The following CHRM3 variants were observed in gnomAD, a reference collection of about 807,000 sequenced individuals.
CHRM3 encodes muscarinic acetylcholine receptor M3.
In CHRM3, 11 loss-of-function variants were observed where a neutral mutation model predicts 41.8. That is an observed-to-expected ratio of 0.26 (90% CI 0.17 to 0.44). CHRM3 has a LOEUF of 0.44. Ranked by LOEUF, CHRM3 falls within the 20% of genes least tolerant of loss-of-function variation. The pLI is 1.00. For missense variants in CHRM3, 571 were observed against 745.4 expected (o/e 0.77, Z 2.72); for synonymous variants, 297 against 301.4 (o/e 0.99, Z 0.15).
At chr1:239,837,954 C>A (rs1157538122) in intron 6 of CHRM3, among the ~76,000 whole-genome samples, 1 of 152,058 alleles carries the variant, frequency 6.6e-6, no homozygotes, top group Non-Finnish European at 1.5e-5. Flanking sequence ...AAATCATGTG[C>A]ATAGATAACA....
chr1:239,896,926 A>G (rs1340902537), intron 6 of CHRM3, among the ~76,000 whole-genome samples: 1 of 152,216 alleles, frequency 6.6e-6, no homozygotes, highest in East Asian at 1.9e-4. Context: ...TGTAAAGTCA[A>G]CCAGCCATAG....
intron 3 of CHRM3, among the ~76,000 whole-genome samples, chr1:239,607,208 C>T (rs908213430): frequency 3.3e-5 from 5 of 152,122 alleles, no homozygotes; most frequent in African/African-American, 1.2e-4. Flanking sequence ...GCAGCATTCA[C>T]TTAATGACTC....
At chr1:239,619,308 G>A (rs2148804073) in intron 3 of CHRM3, among the ~76,000 whole-genome samples, 1 of 152,128 alleles carries the variant, frequency 6.6e-6, no homozygotes, top group Middle Eastern at 3.4e-3. Flanking sequence ...AAAGACCAAG[G>A]CCCTGAGTCT....
chr1:239,540,538 C>A (rs1377780964), intron 2 of CHRM3, among the ~76,000 whole-genome samples: 1 of 152,106 alleles, frequency 6.6e-6, no homozygotes, highest in Non-Finnish European at 1.5e-5. Flanking sequence ...GATAGTAGCA[C>A]CACTTTTAGA....
At chr1:239,751,777 T>C (rs1173840856) in intron 5 of CHRM3, among the ~76,000 whole-genome samples, 1 of 152,106 alleles carries the variant, frequency 6.6e-6, no homozygotes, top group East Asian at 1.9e-4. Flanking sequence ...AGAACAACAA[T>C]AGGATCTACC....
At position 239,404,392 on chromosome 1, in the gene CHRM3, GAAAGAAAGAAAGAAAGA is replaced by G. The variant is rs1660308906; in HGVS notation, c.-521+17169_-521+17185del. On this transcript the variant is annotated intron_variant, in intron 1 of 6. Transcript: ENST00000676153. Reference sequence around the variant, plus strand: ...AGAAAGAAAGAAAGAAAGAAAGAAAGAAAGAAAGAAAGAAAGAAAAAGAAAGAAAGAAAGAAAGAAAG... The same window carrying G: ...AGAAAGAAAGAAAGAAAGAAAGAAAGAAAAGAAAGAAAGAAAGAAAGAAAG... Among the ~76,000 whole-genome samples the G allele has an allele frequency of 4.3e-5, 3 of 69,852 alleles. 1 individual carries two copies. Among genetic ancestry groups the G allele is most frequent in the African/African-American group, 1.7e-4 (3 of 17,174 alleles). 45.8% of individuals were successfully genotyped at this position (69,852 alleles called of 152,430 possible).
intron 1 of CHRM3, among the ~76,000 whole-genome samples, chr1:239,461,358 A>G (rs1202187108): frequency 6.6e-6 from 1 of 152,170 alleles, no homozygotes; most frequent in East Asian, 1.9e-4. Flanking sequence ...GTCAATATAC[A>G]TAGAAGATGG....
chr1:239,909,364 C>T lies in CHRM3; in HGVS notation c.*140C>T. The T allele has an allele frequency of 1.3e-6, 1 of 788,520 alleles. No individual in the cohort carries two copies. Among genetic ancestry groups the T allele is most frequent in the Non-Finnish European group, 2.0e-6 (1 of 506,698 alleles). 48.8% of individuals were successfully genotyped at this position (788,520 alleles called of 1,614,324 possible). ...AGATGTGAAAGAAGCTGCCTGTTTA[C>T]TGATCCATTGAATAAACCCATTTTA... On this transcript the variant is annotated 3_prime_UTR_variant, in exon 7 of 7. Coordinates refer to ENST00000676153, the MANE Select transcript of CHRM3 (RefSeq NM_001375978.1).
intron 6 of CHRM3, among the ~76,000 whole-genome samples, chr1:239,903,486 G>A (rs1190262739): frequency 1.3e-5 from 2 of 152,196 alleles, no homozygotes; most frequent in Non-Finnish European, 2.9e-5. Context: ...GCTAGCAGTG[G>A]TTAAATGAGC....
intron 5 of CHRM3, among the ~76,000 whole-genome samples, chr1:239,788,142 G>A (rs923106954): frequency 6.6e-6 from 1 of 152,072 alleles, no homozygotes; most frequent in Non-Finnish European, 1.5e-5. Context: ...AGTCTGAAGA[G>A]GGAGGATCAC....
intron 4 of CHRM3, among the ~76,000 whole-genome samples, chr1:239,660,735 A>T (rs1005855561): frequency 3.3e-5 from 5 of 152,036 alleles, no homozygotes; most frequent in African/African-American, 1.2e-4. Context: ...ATACAAAACA[A>T]TTACCCAGTG....
chr1:239,681,149 C>T (rs550182829), intron 5 of CHRM3, among the ~76,000 whole-genome samples: 8 of 152,278 alleles, frequency 5.3e-5, no homozygotes, highest in South Asian at 2.1e-4. Flanking sequence ...GGGTCCCTCC[C>T]GCAACACGTG....
At chr1:239,854,428 G>C (rs1674944646) in intron 6 of CHRM3, among the ~76,000 whole-genome samples, 2 of 152,046 alleles carry the variant, frequency 1.3e-5, no homozygotes. Flanking sequence ...CTTATTCATG[G>C]TCTTCTTGCC....
At chr1:239,587,896 A>G (rs1663590275) in intron 3 of CHRM3, among the ~76,000 whole-genome samples, 1 of 152,196 alleles carries the variant, frequency 6.6e-6, no homozygotes, top group Admixed American at 6.5e-5. Context: ...TTTCTCACAT[A>G]TGCTAATTAT....
At chr1:239,454,357 A>G (rs1162289913) in intron 1 of CHRM3, among the ~76,000 whole-genome samples, 1 of 152,210 alleles carries the variant, frequency 6.6e-6, no homozygotes, top group Non-Finnish European at 1.5e-5. Flanking sequence ...ATGAACAGCC[A>G]GATGAAAGAG....
At chr1:239,491,107 A>G (rs1043595456) in intron 1 of CHRM3, among the ~76,000 whole-genome samples, 9 of 152,200 alleles carry the variant, frequency 5.9e-5, no homozygotes, top group African/African-American at 1.9e-4. Flanking sequence ...TGATATTTCC[A>G]TACATTTATA....
chr1:239,856,610 C>T (rs895084843), intron 6 of CHRM3, among the ~76,000 whole-genome samples: 2 of 152,066 alleles, frequency 1.3e-5, no homozygotes, highest in Non-Finnish European at 2.9e-5. Flanking sequence ...TTCTTTATTA[C>T]AATGTGAGAA....
intron 6 of CHRM3, among the ~76,000 whole-genome samples, chr1:239,899,410 C>CAT (rs780781161): frequency 4.5e-4 from 68 of 150,596 alleles, no homozygotes; most frequent in Middle Eastern, 3.5e-3. Context: ...CACACATATA[C>CAT]ATATATACAC....
intron 6 of CHRM3, among the ~76,000 whole-genome samples, chr1:239,905,739 T>C (rs1008009969): frequency 1.3e-5 from 2 of 152,162 alleles, no homozygotes; most frequent in Non-Finnish European, 2.9e-5. Context: ...ATATGATGCA[T>C]TTGCACAACA....
Sources: allele counts gnomAD v4.1 joint callset (sites outside exome capture counted in the v4.1 genomes callset), GRCh38; gene constraint gnomAD v4.1.1; transcripts MANE v1.5; gene names NCBI Gene and HGNC (gene_info 2026-07-23, HGNC 2026-07-21).